The following C18orf63 variants were observed in gnomAD, a reference collection of about 807,000 sequenced individuals.
C18orf63 encodes uncharacterized protein C18orf63.
A neutral mutation model predicts 75.3 loss-of-function variants in C18orf63; 50 were observed. The ratio of observed to expected loss-of-function variants is 0.66; its 90% CI spans 0.53 to 0.84. The LOEUF (loss-of-function observed/expected upper bound fraction) is 0.84, where lower values mean the gene tolerates loss of function less well. Among genes scored for constraint, C18orf63 ranks in the 40% least tolerant of loss-of-function variants. The pLI is 0.00. For synonymous variants in C18orf63, 232 were observed against 267.6 expected (o/e 0.87, Z 1.30); for missense variants, 732 against 800.2 (o/e 0.91, Z 1.03).
chr18:74,319,555 G>T (rs1984084358), intron 2 of C18orf63, among the ~76,000 whole-genome samples: 1 of 152,104 alleles, frequency 6.6e-6, no homozygotes, highest in Non-Finnish European at 1.5e-5. Context: ...ATGGTAATTT[G>T]ATTCTGATGA....
chr18:74,325,184 T>C (rs1486586130), intron 4 of C18orf63, among the ~76,000 whole-genome samples: 2 of 152,190 alleles, frequency 1.3e-5, no homozygotes, highest in East Asian at 1.9e-4. Context: ...AGACATTTCT[T>C]CCTAAACACG....
intron 11 of C18orf63, among the ~76,000 whole-genome samples, chr18:74,351,315 C>T (rs1370744008): frequency 6.6e-6 from 1 of 152,194 alleles, no homozygotes; most frequent in African/African-American, 2.4e-5. Context: ...TCATTTTGGT[C>T]ATGGGACAAT....
intron 1 of C18orf63, 103 bp downstream of exon 1, chr18:74,316,212 T>G (rs565049629): frequency 6.6e-6 from 1 of 152,060 alleles, no homozygotes; most frequent in South Asian, 2.1e-4. Context: ...CCTGAGGACG[T>G]TGGTTTGGGT....
intron 2 of C18orf63, 79 bp downstream of exon 2, chr18:74,318,078 A>T: frequency 1.2e-6 from 1 of 861,894 alleles, no homozygotes; most frequent in South Asian, 3.6e-5. Context: ...TTTTCTATAA[A>T]GCAAAATACT....
chr18:74,328,224 A>T (rs895884936), intron 5 of C18orf63, among the ~76,000 whole-genome samples, 166 bp downstream of exon 5: 3 of 152,222 alleles, frequency 2.0e-5, no homozygotes, highest in Admixed American at 6.5e-5. Context: ...GAGGCCTCAC[A>T]ATCATGGCGG....
chr18:74,337,955 G>C (rs1352125491), intron 7 of C18orf63, among the ~76,000 whole-genome samples: 1 of 152,132 alleles, frequency 6.6e-6, no homozygotes, highest in Non-Finnish European at 1.5e-5. Flanking sequence ...AGTAGGCAGC[G>C]AAGTTAGAAC....
At position 74,347,934 on chromosome 18, in the gene C18orf63, T is replaced by G. The variant is rs181575854; in HGVS notation, c.978+4232T>G. Among the ~76,000 whole-genome samples, 296 of 152,300 alleles carry G rather than the reference T, an allele frequency of 1.9e-3. 3 individuals are homozygous for G. Among genetic ancestry groups the G allele is most frequent in the African/African-American group, 6.4e-3 (264 of 41,558 alleles). ...GGGATTTTGGAACCAATCCCAGATA[T>G]AGTGTTTTACCTGTAAAGACTATGG... On this transcript the variant is annotated intron_variant, in intron 11 of 13. Coordinates refer to ENST00000579455, the MANE Select transcript of C18orf63 (RefSeq NM_001174123.2).
rs1286982193 is a variant in C18orf63, at chr18:74,319,272, A to ATAGCATTTGGCTCTCTCTAG, written c.135-1228_135-1209dup. ...CCCGGTAATTGACAGAGAGTCTTGA[A>ATAGCATTTGGCTCTCTCTAG]TAGCATTTGGCTCTCTCTAGTAGCA... On this transcript the variant is annotated intron_variant, in intron 2 of 13. Coordinates refer to ENST00000579455, the MANE Select transcript of C18orf63 (RefSeq NM_001174123.2). 8.7e-3 allele frequency among the ~76,000 whole-genome samples: 1,319 copies of ATAGCATTTGGCTCTCTCTAG among 152,254 alleles called. 18 individuals are homozygous for ATAGCATTTGGCTCTCTCTAG. The highest frequency in any genetic ancestry group is 0.037 in the Middle Eastern group (11 of 294).
intron 11 of C18orf63, among the ~76,000 whole-genome samples, chr18:74,352,338 A>G (rs531918957): frequency 6.6e-6 from 1 of 152,340 alleles, no homozygotes; most frequent in Admixed American, 6.5e-5. Flanking sequence ...TATATAATAC[A>G]GTACAGTGGT....
At chr18:74,338,667 T>C in intron 7 of C18orf63, 48 bp from the exon 8 acceptor site, 4 of 798,872 alleles carry the variant, frequency 5.0e-6, no homozygotes, top group Non-Finnish European at 7.1e-6. Context: ...AATGTTTCCT[T>C]TTTTGCCAAA....
intron 4 of C18orf63, among the ~76,000 whole-genome samples, chr18:74,326,717 C>T (rs959965055): frequency 1.8e-4 from 27 of 152,088 alleles, no homozygotes; most frequent in Non-Finnish European, 1.0e-4. Context: ...TGCCTGATGT[C>T]GGATATGTTG....
In C18orf63 at chr18:74,345,541, G is replaced by C. The variant is rs192758984; in HGVS notation, c.978+1839G>C. 3.9e-5 allele frequency among the ~76,000 whole-genome samples: 6 copies of C among 152,056 alleles called. No individual in the cohort carries two copies. The East Asian group carries it at 1.2e-3, about 29-fold the overall frequency. ...CACATTTAGATCTGCAATGCAGTTG[G>C]AATTTATTTTTGTAATGTGATGTAG... On this transcript the variant is annotated intron_variant, in intron 11 of 13. Transcript: ENST00000579455.
At chr18:74,345,993 A>G (rs1376830812) in intron 11 of C18orf63, among the ~76,000 whole-genome samples, 1 of 151,742 alleles carries the variant, frequency 6.6e-6, no homozygotes, top group Non-Finnish European at 1.5e-5. Context: ...CAGAGAGAGC[A>G]TGCTGGGATT....
chr18:74,316,456 C>T (rs1393417351), intron 1 of C18orf63, among the ~76,000 whole-genome samples: 1 of 152,186 alleles, frequency 6.6e-6, no homozygotes, highest in African/African-American at 2.4e-5. Context: ...AACCCCGCGC[C>T]CCGGGAGGAT....
chr18:74,340,697 A>G (rs1984465739), intron 8 of C18orf63, among the ~76,000 whole-genome samples: 1 of 152,008 alleles, frequency 6.6e-6, no homozygotes, highest in Non-Finnish European at 1.5e-5. Flanking sequence ...AAATCCTGTC[A>G]TTTGCAACAT....
At chr18:74,325,006 A>G (rs1488062625) in intron 4 of C18orf63, among the ~76,000 whole-genome samples, 1 of 152,176 alleles carries the variant, frequency 6.6e-6, no homozygotes, top group African/African-American at 2.4e-5. Flanking sequence ...ATCAGCAGAT[A>G]TTTATTGAAC....
At chr18:74,326,834 T>G (rs1298198034) in intron 4 of C18orf63, among the ~76,000 whole-genome samples, 1 of 152,184 alleles carries the variant, frequency 6.6e-6, no homozygotes, top group African/African-American at 2.4e-5. Flanking sequence ...AAAATCTTAA[T>G]TTTTAAAATT....
In C18orf63 at chr18:74,330,906, T is replaced by G; in HGVS notation, c.465T>G (p.Ser155Arg). ...TAACAGAAACTCAAGTTTGTCTAAGTATAGAAGCTTGCACAATCAGACTGC... is the reference window on the plus strand; with the variant it reads ...TAACAGAAACTCAAGTTTGTCTAAGGATAGAAGCTTGCACAATCAGACTGC... The part of the protein sequence containing the change: ...INVTETQVCL[S>R]IEACTIRLPA... Residue 155 changes from serine (S) to arginine (R), a missense_variant, in exon 7 of 14, where the codon AGT (serine) becomes AGG (arginine). Physicochemically the swap from Ser to Arg is moderately radical, Grantham distance 110 (BLOSUM62 -1). Coordinates refer to ENST00000579455, the MANE Select transcript of C18orf63 (RefSeq NM_001174123.2). The G allele has an allele frequency of 6.7e-7, 1 of 1,482,040 alleles. No homozygotes were observed. Among genetic ancestry groups the G allele is most frequent in the Non-Finnish European group, 9.0e-7 (1 of 1,112,244 alleles). 91.8% of individuals were successfully genotyped at this position (1,482,040 alleles called of 1,614,324 possible).
At chr18:74,350,665 C>T (rs1984652000) in intron 11 of C18orf63, among the ~76,000 whole-genome samples, 1 of 152,138 alleles carries the variant, frequency 6.6e-6, no homozygotes, top group Non-Finnish European at 1.5e-5. Context: ...CTTCTTGATG[C>T]ATGCTTTTTC....
Sources: gnomAD v4.1 joint callset for allele counts (sites outside exome capture counted in the v4.1 genomes callset) on GRCh38, gnomAD v4.1.1 for gene constraint, MANE v1.5 for transcripts, NCBI Gene and HGNC (gene_info 2026-07-23, HGNC 2026-07-21) for gene names.